PSMG4: variants seen among roughly 807,000 people sequenced by gnomAD.
PSMG4 encodes the protein proteasome (prosome, macropain) assembly chaperone 4.
A neutral mutation model predicts 11.0 loss-of-function variants in PSMG4; 10 were observed. That is an observed-to-expected ratio of 0.91 (90% CI 0.56 to 1.54). The LOEUF (loss-of-function observed/expected upper bound fraction) is 1.54. Ranked by LOEUF, PSMG4 falls within the 40% of genes most tolerant of loss-of-function variation. The pLI is 0.00. For synonymous variants in PSMG4, 95 were observed against 71.3 expected (o/e 1.33, Z -1.68); for missense variants, 198 against 160.9 (o/e 1.23, Z -1.25).
At chr6:3,265,551 A>G (rs4959790) in intron 2 of PSMG4, 126,409 of 152,182 alleles carry the variant, frequency 0.83, 52,771 homozygotes, top group Non-Finnish European at 0.87. Context: ...GGGCCCCCTT[A>G]GGGTAAAGGG....
At chr6:3,261,319 G>A (rs1383568836) in intron 1 of PSMG4, among the ~76,000 whole-genome samples, 8 of 152,158 alleles carry the variant, frequency 5.3e-5, no homozygotes, top group African/African-American at 1.4e-4. Flanking sequence ...GACCAGGGGT[G>A]ATGGGTGGGG....
At chr6:3,266,252 G>C (rs901292815) in intron 2 of PSMG4, 11 of 152,302 alleles carry the variant, frequency 7.2e-5, no homozygotes, top group African/African-American at 2.6e-4. Flanking sequence ...TGCCTCTCAG[G>C]GTTCTTGGTG....
At position 3,264,467 on chromosome 6, in the gene PSMG4, C is replaced by T; in HGVS notation, c.250+708C>T. ...TGGAGTCTTCTCTGTGTCTCAGGCACAGGACCTGGTACCTGACAAGCAGGA... is the reference window on the plus strand; with the variant it reads ...TGGAGTCTTCTCTGTGTCTCAGGCATAGGACCTGGTACCTGACAAGCAGGA... On this transcript the variant is annotated intron_variant, in intron 2 of 2. Coordinates refer to ENST00000438998, the MANE Select transcript of PSMG4 (RefSeq NM_001128591.2). 9 of 1,403,242 alleles carry T rather than the reference C, an allele frequency of 6.4e-6. No individual in the cohort carries two copies. The South Asian group carries it at 1.0e-4, about 16-fold the overall frequency. The allele number at this position is 1,403,242 out of a possible 1,614,324, so 86.9% of individuals were successfully genotyped here. A position where few individuals can be genotyped will look rare whatever the true frequency, so the allele number is the denominator to read the frequency against.
chr6:3,256,219 A>G (rs1312346007), upstream of PSMG4, among the ~76,000 whole-genome samples: 3 of 152,158 alleles, frequency 2.0e-5, no homozygotes, highest in Non-Finnish European at 4.4e-5. Context: ...TTTCTCCACT[A>G]TGATAGCTCC....
upstream of PSMG4, chr6:3,255,183 T>C: frequency 6.4e-7 from 1 of 1,550,710 alleles, no homozygotes; most frequent in Non-Finnish European, 8.7e-7. Context: ...ATGTGCGCTC[T>C]GGTGGAAGTA....
upstream of PSMG4, among the ~76,000 whole-genome samples, chr6:3,255,674 T>C (rs543530452): frequency 1.3e-5 from 2 of 152,330 alleles, no homozygotes; most frequent in Admixed American, 1.3e-4. Context: ...TTAAGTGATT[T>C]GTATGAGATC....
upstream of PSMG4, chr6:3,255,250 G>A: frequency 2.6e-6 from 4 of 1,548,218 alleles, no homozygotes; most frequent in Non-Finnish European, 3.5e-6. Flanking sequence ...CATGCTGTTG[G>A]GTTCTGTGTT....
upstream of PSMG4, among the ~76,000 whole-genome samples, chr6:3,257,756 A>AG (rs147057105): frequency 0.032 from 4,804 of 152,254 alleles, 259 homozygotes; most frequent in African/African-American, 0.11. Flanking sequence ...TGAGGGCAGG[A>AG]GGGAGTACTG....
chr6:3,260,945 A>T (rs1458906497), intron 1 of PSMG4, among the ~76,000 whole-genome samples: 2 of 152,156 alleles, frequency 1.3e-5, no homozygotes, highest in Non-Finnish European at 2.9e-5. Flanking sequence ...TCCCAGCCGC[A>T]TTAGCTCCCT....
chr6:3,258,141 G>C (rs1757829077), upstream of PSMG4, among the ~76,000 whole-genome samples: 1 of 149,582 alleles, frequency 6.7e-6, no homozygotes, highest in South Asian at 2.2e-4. Context: ...ATGTCCTGAA[G>C]TGTTCAAGGG....
At chr6:3,255,373 T>G (rs1466492023), upstream of PSMG4, 6 of 1,415,676 alleles carry the variant, frequency 4.2e-6, no homozygotes, top group African/African-American at 7.2e-5. Context: ...CTGTGGTGGA[T>G]GATGTTTGTT....
upstream of PSMG4, among the ~76,000 whole-genome samples, chr6:3,254,838 G>C (rs781516603): frequency 6.6e-6 from 1 of 152,118 alleles, no homozygotes; most frequent in Non-Finnish European, 1.5e-5. Context: ...TGGGACCTTA[G>C]AAAACACTTT....
upstream of PSMG4, among the ~76,000 whole-genome samples, chr6:3,258,626 C>T (rs1455372010): frequency 6.6e-6 from 1 of 152,118 alleles, no homozygotes; most frequent in Non-Finnish European, 1.5e-5. Flanking sequence ...TGGCTTCAGC[C>T]CTTGAATGCC....
chr6:3,260,291 A>ATATATATATATTTTTTTT, intron 1 of PSMG4, among the ~76,000 whole-genome samples: 3 of 70,842 alleles, frequency 4.2e-5, no homozygotes, highest in African/African-American at 1.6e-4. Context: ...ATATATATAT[A>ATATATATATATTTTTTTT]TTTTTTTTTT....
chr6:3,257,303 C>T (rs565383439), upstream of PSMG4, among the ~76,000 whole-genome samples: 61 of 152,170 alleles, frequency 4.0e-4, 1 homozygote, highest in Non-Finnish European at 1.2e-4. Context: ...CTGTGACCCT[C>T]TGCCTGTGTG....
upstream of PSMG4, among the ~76,000 whole-genome samples, chr6:3,254,790 T>C (rs1360553404): frequency 2.0e-5 from 3 of 152,008 alleles, no homozygotes; most frequent in Admixed American, 6.5e-5. Context: ...GGCTGAATGC[T>C]TGGGGTCAGA....
rs1757859385 is a variant in PSMG4, at chr6:3,259,013, G to C, written c.-10G>C. 1.2e-5 allele frequency: 15 copies of C among 1,243,372 alleles called. No homozygotes were observed. Among genetic ancestry groups the C allele is most frequent in the Non-Finnish European group, 1.4e-5 (14 of 992,850 alleles). The allele number at this position is 1,243,372 out of a possible 1,614,324, so 77.0% of individuals were successfully genotyped here. On this transcript the variant is annotated 5_prime_UTR_variant, in exon 1 of 3. Coordinates refer to ENST00000438998, the MANE Select transcript of PSMG4 (RefSeq NM_001128591.2). Reference sequence around the variant, plus strand: ...GGTCTGGCGCTGTGGGCCGGGAGCCGTGGGGCGGCATGGAGGGGCTGGTTG... The same window carrying C: ...GGTCTGGCGCTGTGGGCCGGGAGCCCTGGGGCGGCATGGAGGGGCTGGTTG...
chr6:3,267,031 AT>A (rs1758211297), intron 2 of PSMG4: 1 of 151,220 alleles, frequency 6.6e-6, no homozygotes, highest in African/African-American at 2.4e-5. Flanking sequence ...AATTTTTTGT[AT>A]TTTTAGTAGA....
intron 2 of PSMG4, chr6:3,267,360 G>GGT (rs1758233476): frequency 8.4e-6 from 3 of 357,102 alleles, no homozygotes; most frequent in Admixed American, 4.1e-5. Context: ...AGGCTGCTGA[G>GGT]GTGGGGCCTG....
Sources: allele counts gnomAD v4.1 joint callset (sites outside exome capture counted in the v4.1 genomes callset), GRCh38; gene constraint gnomAD v4.1.1; transcripts MANE v1.5; gene names NCBI Gene and HGNC (gene_info 2026-07-23, HGNC 2026-07-21).